Variants in TARS2 observed in about 807,000 individuals in gnomAD.
The protein encoded by TARS2 is threonine--tRNA ligase, mitochondrial.
In TARS2, 61 loss-of-function variants were observed where a neutral mutation model predicts 94.4. The ratio of observed to expected loss-of-function variants is 0.65; its 90% CI spans 0.53 to 0.80. The LOEUF (loss-of-function observed/expected upper bound fraction) is 0.80. TARS2 is among the 30% of genes least tolerant of loss of function. The probability of loss-of-function intolerance (pLI) is 0.00; values close to 1 mark genes in which losing one functional copy is unlikely to be tolerated. For missense variants in TARS2, 704 were observed against 902.5 expected (o/e 0.78, Z 2.82); for synonymous variants, 359 against 353.4 (o/e 1.02, Z -0.18).
At chr1:150,501,632 G>A (rs587665772) in intron 13 of TARS2, among the ~76,000 whole-genome samples, 3 of 151,190 alleles carry the variant, frequency 2.0e-5, no homozygotes, top group East Asian at 2.0e-4. Context: ...CACTGCGCCC[G>A]ACCGTCTCTA....
intron 17 of TARS2, 22 bp downstream of exon 17, chr1:150,505,727 A>C (rs377227393): frequency 2.5e-6 from 4 of 1,601,762 alleles, no homozygotes; most frequent in Non-Finnish European, 3.4e-6. Flanking sequence ...CTCAGAGCCA[A>C]TGTTCTCCCA....
intron 9 of TARS2, among the ~76,000 whole-genome samples, 169 bp from the exon 10 acceptor site, chr1:150,497,361 C>G (rs1328572632): frequency 6.6e-6 from 1 of 152,154 alleles, no homozygotes; most frequent in Non-Finnish European, 1.5e-5. Context: ...ACCTTTAATA[C>G]TACAATTGTG....
At chr1:150,495,048 G>A (rs587721145) in intron 7 of TARS2, among the ~76,000 whole-genome samples, 3 of 151,338 alleles carry the variant, frequency 2.0e-5, no homozygotes, top group East Asian at 2.0e-4. Flanking sequence ...GCGAGGTGGC[G>A]GGCGCCTGTA....
Position 150,490,733 on chromosome 1 carries a change from A to G in TARS2, c.512+8A>G. ...CTTCCTGGGAAAGGAGAGGTGAGTA[A>G]TGAAAGGAAGGAGGAGAATGATTCT... On this transcript the variant is annotated splice_region_variant and intron_variant, in intron 4 of 17. Transcript: ENST00000369064. 1 of 1,613,520 alleles carries G rather than the reference A, an allele frequency of 6.2e-7. No homozygotes were observed. The highest frequency in any genetic ancestry group is 2.2e-5 in the East Asian group (1 of 44,868).
intron 13 of TARS2, among the ~76,000 whole-genome samples, chr1:150,499,600 A>G (rs1390777108): frequency 6.6e-6 from 1 of 152,152 alleles, no homozygotes; most frequent in Non-Finnish European, 1.5e-5. Context: ...TCCTGACCTC[A>G]GGCAATCCAC....
intron 13 of TARS2, among the ~76,000 whole-genome samples, chr1:150,503,631 ATG>A (rs375895458): frequency 0.02 from 1,602 of 79,506 alleles, 47 homozygotes; most frequent in African/African-American, 0.05. Flanking sequence ...GTGTGTATAT[ATG>A]TGTGTGTATA....
At chr1:150,505,478 C>T (rs587679713) in intron 16 of TARS2, 113 bp from the exon 17 acceptor site, 21 of 959,662 alleles carry the variant, frequency 2.2e-5, no homozygotes, top group Middle Eastern at 3.2e-4. Flanking sequence ...TGGAGAGCCC[C>T]GAGGCAGGGA....
chr1:150,491,961 G>GTTTTTTTTTTTTTTT, intron 6 of TARS2: 1 of 124,616 alleles, frequency 8.0e-6, no homozygotes, highest in Non-Finnish European at 1.5e-5. Flanking sequence ...TGCCTGGCTA[G>GTTTTTTTTTTTTTTT]TTTTTTTTTT....
chr1:150,505,322 T>G (rs1008172567), intron 16 of TARS2, among the ~76,000 whole-genome samples: 1 of 152,004 alleles, frequency 6.6e-6, no homozygotes, highest in African/African-American at 2.4e-5. Flanking sequence ...AACAGCTGGT[T>G]GGGTAGAGCA....
intron 12 of TARS2, 34 bp from the exon 13 acceptor site, chr1:150,499,182 T>C: frequency 6.2e-7 from 1 of 1,613,158 alleles, no homozygotes; most frequent in Non-Finnish European, 8.5e-7. Flanking sequence ...AAGTCTAAGA[T>C]GATGTATTCC....
At position 150,498,493 on chromosome 1, in the gene TARS2, C is replaced by G; in HGVS notation, c.1239-9C>G. 1 of 1,565,086 alleles carries G rather than the reference C, an allele frequency of 6.4e-7. No homozygotes were observed. Among genetic ancestry groups the G allele is most frequent in the Non-Finnish European group, 8.6e-7 (1 of 1,160,758 alleles). On this transcript the variant is annotated splice_polypyrimidine_tract_variant and intron_variant, in intron 10 of 17. Coordinates refer to ENST00000369064, the MANE Select transcript of TARS2 (RefSeq NM_025150.5). ...CTATGGCCCTGACCCCTCTGCACCC[C>G]AACCTCAGCCTGATGTTCGCCCACC...
chr1:150,492,444 C>G lies in TARS2; in HGVS notation c.729C>G (p.Pro243=). 1.2e-6 allele frequency: 2 copies of G among 1,614,004 alleles called. No homozygotes were observed. Among genetic ancestry groups the G allele is most frequent in the East Asian group, 4.5e-5 (2 of 44,862 alleles). ...CGTLVDLCQG[P]HLRHTGQIGG... is the part of the protein sequence containing the mutation. ...CATTGGTTGACCTTTGCCAGGGCCC[C>G]CACCTTCGGCATACTGGACAGATTG... Residue 243 remains proline (P), a synonymous_variant, in exon 7 of 18, where the codon CCC becomes CCG. Coordinates refer to ENST00000369064, the MANE Select transcript of TARS2 (RefSeq NM_025150.5).
At chr1:150,488,455 G>A (rs1669244379) in intron 2 of TARS2, 1 of 166,816 alleles carries the variant, frequency 6.0e-6, no homozygotes, top group Non-Finnish European at 1.3e-5. Flanking sequence ...TACAGTTGCT[G>A]AGAGATGAGC....
chr1:150,488,733 A>G, intron 2 of TARS2: 1 of 435,608 alleles, frequency 2.3e-6, no homozygotes, highest in Non-Finnish European at 4.1e-6. Flanking sequence ...CAACTCTGCT[A>G]TGGAACATTA....
intron 13 of TARS2, among the ~76,000 whole-genome samples, chr1:150,502,224 G>A (rs1013314190): frequency 5.0e-5 from 5 of 99,490 alleles, no homozygotes; most frequent in South Asian, 5.1e-4. Flanking sequence ...CGTTTTTTTC[G>A]TTTTTGTTTT....
chr1:150,487,626 C>A, intron 1 of TARS2, 110 bp downstream of exon 1: 1 of 1,458,644 alleles, frequency 6.9e-7, no homozygotes, highest in Non-Finnish European at 9.4e-7. Flanking sequence ...CCCTGGTCCT[C>A]CGAGTCCCCA....
At chr1:150,501,861 G>A (rs12049177) in intron 13 of TARS2, among the ~76,000 whole-genome samples, 88,395 of 151,786 alleles carry the variant, frequency 0.58, 26,192 homozygotes, top group Non-Finnish European at 0.62. Context: ...AATTACTCAA[G>A]AACTGTTATA....
chr1:150,490,408 T>C (rs915339480), intron 3 of TARS2, among the ~76,000 whole-genome samples, 193 bp from the exon 4 acceptor site: 54 of 152,140 alleles, frequency 3.5e-4, no homozygotes, highest in Non-Finnish European at 2.4e-4. Context: ...CATGAGCTGC[T>C]GTGCCCAGCC....
chr1:150,503,644 T>TATGTGTGTATACATGTGTGTATAC (rs1553905488), intron 13 of TARS2, among the ~76,000 whole-genome samples: 6 of 117,406 alleles, frequency 5.1e-5, no homozygotes, highest in Non-Finnish European at 1.1e-4. Context: ...TGTGTGTATA[T>TATGTGTGTATACATGTGTGTATAC]ATGTGTGTAT....
Sources: allele counts gnomAD v4.1 joint callset (sites outside exome capture counted in the v4.1 genomes callset), GRCh38; gene constraint gnomAD v4.1.1; transcripts MANE v1.5; gene names NCBI Gene and HGNC (gene_info 2026-07-23, HGNC 2026-07-21).